Variants in RALGAPA2 observed in about 807,000 individuals in gnomAD.
The protein encoded by RALGAPA2 is Ral GTPase activating protein catalytic subunit alpha 2, also known as ral GTPase-activating protein subunit alpha-2.
A neutral mutation model predicts 230.4 loss-of-function variants in RALGAPA2; 139 were observed. The observed-to-expected ratio is 0.60, with a 90% CI of 0.53 to 0.69. The LOEUF (loss-of-function observed/expected upper bound fraction) is 0.69. RALGAPA2 is among the 30% of genes least tolerant of loss of function. The pLI is 0.00. For missense variants in RALGAPA2, 2,163 were observed against 2,276.0 expected (o/e 0.95, Z 1.01); for synonymous variants, 847 against 837.8 (o/e 1.01, Z -0.19).
At chr20:20,429,143 T>C (rs919036786) in intron 37 of RALGAPA2, among the ~76,000 whole-genome samples, 2 of 152,114 alleles carry the variant, frequency 1.3e-5, no homozygotes, top group Non-Finnish European at 2.9e-5. Context: ...AAACCACATA[T>C]GATAAAGCAG....
Position 20,513,004 on chromosome 20 carries a change from A to C in RALGAPA2, c.4365T>G (p.Ser1455=), listed in dbSNP as rs576376554. 1.7e-5 allele frequency: 28 copies of C among 1,613,786 alleles called. No homozygotes were observed. Among genetic ancestry groups the C allele is most frequent in the South Asian group, 8.8e-5 (8 of 91,048 alleles). The change falls in exon 32 of 40, where the codon TCT becomes TCG. Residue 1455 remains serine, a synonymous_variant. Transcript: ENST00000202677. ...TCACAATTACTCTCACATCAGAGAGAGAGCCCACTGGTGATCCCCCTACCG... is the reference window on the plus strand; with the variant it reads ...TCACAATTACTCTCACATCAGAGAGCGAGCCCACTGGTGATCCCCCTACCG... ...EGPVGGSPVG[S]LSDVRVIVRD...
intron 3 of RALGAPA2, among the ~76,000 whole-genome samples, chr20:20,672,088 T>C (rs561768115): frequency 5.5e-4 from 83 of 152,240 alleles, no homozygotes; most frequent in African/African-American, 1.9e-3. Context: ...CAGCCCCCAG[T>C]TCCCAGCTAT....
rs185224372 is a variant in RALGAPA2, at chr20:20,402,339, G to A, written c.5618-5605C>T. Among the ~76,000 whole-genome samples, 40 of 152,344 alleles carry A rather than the reference G, an allele frequency of 2.6e-4. 1 individual carries two copies. Among genetic ancestry groups the A allele is most frequent in the African/African-American group, 8.9e-4 (37 of 41,576 alleles). ...TTTTGTAAGAGTAAAAAAAGCTAGGGAGCCTTGCCTCCCATCCTTGCCCTT... is the reference window on the plus strand; with the variant it reads ...TTTTGTAAGAGTAAAAAAAGCTAGGAAGCCTTGCCTCCCATCCTTGCCCTT... On this transcript the variant is annotated intron_variant, in intron 38 of 39. Transcript: ENST00000202677.
chr20:20,483,819 C>A (rs1250692506), intron 36 of RALGAPA2, among the ~76,000 whole-genome samples: 2 of 152,050 alleles, frequency 1.3e-5, no homozygotes, highest in African/African-American at 4.8e-5. Flanking sequence ...GAATCAAGTG[C>A]CAGACAGGAA....
chr20:20,660,574 G>C (rs1248941143), intron 3 of RALGAPA2, among the ~76,000 whole-genome samples: 1 of 151,796 alleles, frequency 6.6e-6, no homozygotes, highest in Non-Finnish European at 1.5e-5. Flanking sequence ...TAAGCTCAAA[G>C]TGCCATGGAG....
chr20:20,393,693 C>T (rs2059645096), intron 39 of RALGAPA2, among the ~76,000 whole-genome samples: 1 of 152,206 alleles, frequency 6.6e-6, no homozygotes, highest in Non-Finnish European at 1.5e-5. Context: ...ATATTCTACA[C>T]AATGAGTTAC....
At chr20:20,664,845 C>G (rs2067906459) in intron 3 of RALGAPA2, among the ~76,000 whole-genome samples, 1 of 152,178 alleles carries the variant, frequency 6.6e-6, no homozygotes, top group African/African-American at 2.4e-5. Context: ...AAGCATTGTA[C>G]ACCTGCAGGT....
At chr20:20,676,813 C>G (rs2068339766) in intron 2 of RALGAPA2, among the ~76,000 whole-genome samples, 1 of 152,176 alleles carries the variant, frequency 6.6e-6, no homozygotes, top group Non-Finnish European at 1.5e-5. Context: ...TGGCGCATAT[C>G]ATTTAATATA....
chr20:20,471,523 CT>C (rs1445684301), intron 37 of RALGAPA2: 2 of 144,310 alleles, frequency 1.4e-5, no homozygotes, highest in Non-Finnish European at 3.0e-5. Context: ...CTGAATAGTT[CT>C]TTCTCATTTC....
At chr20:20,410,931 C>T (rs965231596) in intron 38 of RALGAPA2, among the ~76,000 whole-genome samples, 32 of 152,154 alleles carry the variant, frequency 2.1e-4, no homozygotes, top group African/African-American at 7.2e-4. Context: ...TGCGCAAGTG[C>T]GTGCCTCTCC....
intron 38 of RALGAPA2, among the ~76,000 whole-genome samples, chr20:20,400,937 T>C (rs1457715358): frequency 6.6e-6 from 1 of 152,190 alleles, no homozygotes; most frequent in African/African-American, 2.4e-5. Context: ...AAAGACCACA[T>C]ATGGGATGAT....
At chr20:20,446,221 A>C (rs2060858437) in intron 37 of RALGAPA2, among the ~76,000 whole-genome samples, 1 of 152,190 alleles carries the variant, frequency 6.6e-6, no homozygotes, top group African/African-American at 2.4e-5. Context: ...AAAACACAAA[A>C]ATTTGAGATA....
intron 26 of RALGAPA2, among the ~76,000 whole-genome samples, chr20:20,532,222 A>C (rs73290960): frequency 0.01 from 1,525 of 152,338 alleles, 21 homozygotes; most frequent in African/African-American, 0.035. Context: ...CACAAACATA[A>C]AACAAATGCT....
At chr20:20,480,352 A>AC (rs1182862656) in intron 36 of RALGAPA2, among the ~76,000 whole-genome samples, 1 of 152,200 alleles carries the variant, frequency 6.6e-6, no homozygotes, top group African/African-American at 2.4e-5. Flanking sequence ...AGGAGGGCCT[A>AC]CCCACACAGC....
At chr20:20,439,521 C>G (rs1366552058) in intron 37 of RALGAPA2, among the ~76,000 whole-genome samples, 1 of 152,154 alleles carries the variant, frequency 6.6e-6, no homozygotes, top group Non-Finnish European at 1.5e-5. Flanking sequence ...CCCCTGGTCA[C>G]TTTTTACAGT....
chr20:20,633,132 T>G (rs1469837750), intron 9 of RALGAPA2, among the ~76,000 whole-genome samples: 15 of 151,696 alleles, frequency 9.9e-5, no homozygotes, highest in Admixed American at 9.9e-4. Context: ...TTTCTTTTCT[T>G]TCTTTCTTTC....
chr20:20,393,100 T>G lies in RALGAPA2; in HGVS notation c.*189A>C. On this transcript the variant is annotated 3_prime_UTR_variant, in exon 40 of 40. Coordinates refer to ENST00000202677, the MANE Select transcript of RALGAPA2 (RefSeq NM_020343.4). Reference sequence around the variant, plus strand: ...TTCACCATGGGCTTCAGAAGTCCACTAATGGGAAGACCTGCTGAGGGCACT... The same window carrying G: ...TTCACCATGGGCTTCAGAAGTCCACGAATGGGAAGACCTGCTGAGGGCACT... 7.4e-7 allele frequency: 1 copy of G among 1,356,398 alleles called. No individual in the cohort carries two copies. Among genetic ancestry groups the G allele is most frequent in the Non-Finnish European group, 9.8e-7 (1 of 1,017,148 alleles). 84.0% of individuals were successfully genotyped at this position (1,356,398 alleles called of 1,614,324 possible). A position where few individuals can be genotyped will look rare whatever the true frequency, so the allele number is the denominator to read the frequency against.
At chr20:20,646,256 T>C (rs2067211924) in intron 4 of RALGAPA2, among the ~76,000 whole-genome samples, 1 of 152,172 alleles carries the variant, frequency 6.6e-6, no homozygotes, top group South Asian at 2.1e-4. Context: ...GGTTTCACCA[T>C]ATGGTGATCC....
Position 20,600,136 on chromosome 20 carries a change from G to GA in RALGAPA2, c.2203+1545dup, listed in dbSNP as rs991892311. On this transcript the variant is annotated intron_variant, in intron 16 of 39. Transcript: ENST00000202677. The stretch of plus-strand genomic sequence containing the variant: ...ATGGCGAAACCCCGTCTCTACTGAA[G>GA]AAAAAAAAAATTAGCCTGGCATAGT... Among the ~76,000 whole-genome samples the GA allele has an allele frequency of 1.3e-3, 188 of 146,284 alleles. 1 individual carries two copies. Among genetic ancestry groups the GA allele is most frequent in the African/African-American group, 4.4e-3 (176 of 39,736 alleles).
Sources: allele counts gnomAD v4.1 joint callset (sites outside exome capture counted in the v4.1 genomes callset), GRCh38; gene constraint gnomAD v4.1.1; transcripts MANE v1.5; gene names NCBI Gene and HGNC (gene_info 2026-07-23, HGNC 2026-07-21).